MYO1B: variants seen among roughly 807,000 people sequenced by gnomAD.
MYO1B encodes the protein unconventional myosin-Ib.
Under a neutral mutation model 159.7 loss-of-function variants are expected in MYO1B, and 72 were observed. The ratio of observed to expected loss-of-function variants is 0.45; its 90% CI spans 0.37 to 0.55. MYO1B has a LOEUF of 0.55. Among genes scored for constraint, MYO1B ranks in the 20% least tolerant of loss-of-function variants. MYO1B has a pLI of 0.00. For synonymous variants in MYO1B, 468 were observed against 473.8 expected, an observed-to-expected ratio of 0.99 and a Z score of 0.16; for missense variants, 1,062 against 1,364.8, an observed-to-expected ratio of 0.78 and a Z score of 3.50.
intron 2 of MYO1B, among the ~76,000 whole-genome samples, chr2:191,280,835 C>A (rs1263581333): frequency 7.2e-5 from 11 of 152,142 alleles, no homozygotes; most frequent in South Asian, 2.1e-4. Context: ...AATGAAGTGG[C>A]TTTTTTGATG....
intron 2 of MYO1B, among the ~76,000 whole-genome samples, chr2:191,281,151 T>A (rs1688034632): frequency 6.6e-6 from 1 of 152,240 alleles, no homozygotes; most frequent in Non-Finnish European, 1.5e-5. Flanking sequence ...CAGAAATATC[T>A]GTTCTTCACT....
At chr2:191,313,699 A>G (rs1690171092) in intron 3 of MYO1B, among the ~76,000 whole-genome samples, 2 of 152,114 alleles carry the variant, frequency 1.3e-5, no homozygotes, top group African/African-American at 4.8e-5. Flanking sequence ...TTGTATTTTT[A>G]GTAGTGACGG....
At chr2:191,414,866 C>T (rs1697466862) in intron 29 of MYO1B, among the ~76,000 whole-genome samples, 197 bp downstream of exon 29, 1 of 152,166 alleles carries the variant, frequency 6.6e-6, no homozygotes, top group Non-Finnish European at 1.5e-5. Flanking sequence ...GGCCAGTTTA[C>T]TTTACTTTTT....
At chr2:191,388,872 A>G (rs1400887) in intron 17 of MYO1B, among the ~76,000 whole-genome samples, 138,722 of 152,092 alleles carry the variant, frequency 0.91, 64,015 homozygotes, top group East Asian at 1. Flanking sequence ...AAGCTTCTTC[A>G]TTCCCCTCCT....
At chr2:191,317,575 C>G (rs982004875) in intron 3 of MYO1B, among the ~76,000 whole-genome samples, 2 of 152,164 alleles carry the variant, frequency 1.3e-5, no homozygotes, top group African/African-American at 4.8e-5. Context: ...TGTGCTCCAC[C>G]CATTAACTTG....
chr2:191,397,722 G>T (rs1298665397), intron 21 of MYO1B, among the ~76,000 whole-genome samples: 1 of 145,588 alleles, frequency 6.9e-6, no homozygotes, highest in Non-Finnish European at 1.5e-5. Flanking sequence ...CCTCCCAGAC[G>T]GGGTCGTGGC....
chr2:191,372,440 CAT>C (rs929569678), intron 13 of MYO1B, among the ~76,000 whole-genome samples: 5 of 152,274 alleles, frequency 3.3e-5, no homozygotes, highest in African/African-American at 1.2e-4. Context: ...AGTTATAACT[CAT>C]AAACAATTCG....
chr2:191,401,571 A>G (rs1696618919), intron 23 of MYO1B: 1 of 152,256 alleles, frequency 6.6e-6, no homozygotes, highest in Non-Finnish European at 1.5e-5. Flanking sequence ...TAGAAAATCA[A>G]AGTCATCTTT....
intron 24 of MYO1B, among the ~76,000 whole-genome samples, chr2:191,406,768 G>C (rs755786725): frequency 6.6e-6 from 1 of 152,194 alleles, no homozygotes; most frequent in Non-Finnish European, 1.5e-5. Context: ...GGTGCCAATA[G>C]GCTTGTTTGA....
At chr2:191,246,784 A>G (rs756771335) in intron 1 of MYO1B, among the ~76,000 whole-genome samples, 4 of 152,216 alleles carry the variant, frequency 2.6e-5, no homozygotes, top group Non-Finnish European at 5.9e-5. Context: ...AGACATTGCT[A>G]TAAATAAATG....
At chr2:191,350,490 A>G (rs1175123714) in intron 7 of MYO1B, 6 of 220,562 alleles carry the variant, frequency 2.7e-5, no homozygotes, top group South Asian at 2.1e-4. Flanking sequence ...TTTATATTCT[A>G]TAGGTCTTTT....
At chr2:191,348,486 G>C (rs1298996671) in intron 6 of MYO1B, among the ~76,000 whole-genome samples, 1 of 152,146 alleles carries the variant, frequency 6.6e-6, no homozygotes, top group Admixed American at 6.5e-5. Flanking sequence ...CTTTGACAGA[G>C]TAACCATTCT....
At position 191,364,183 on chromosome 2, in the gene MYO1B, C is replaced by A; in HGVS notation, c.939C>A (p.Thr313=). The change falls in exon 11 of 31, where the codon ACC becomes ACA. Residue 313 remains threonine, a synonymous_variant. Transcript: ENST00000392318. ...AGTTAAAAGAAATTTGTGAATTGAC[C>A]GGCATTGATCAATCAGTTCTAGAAC... is the stretch of plus-strand genomic sequence containing the variant. The part of the protein sequence containing the change: ...KNELKEICEL[T]GIDQSVLERA... The A allele has an allele frequency of 6.2e-7, 1 of 1,613,804 alleles. No homozygotes were observed. Among genetic ancestry groups the A allele is most frequent in the Non-Finnish European group, 8.5e-7 (1 of 1,179,834 alleles).
At chr2:191,284,364 A>C (rs759409018) in intron 2 of MYO1B, among the ~76,000 whole-genome samples, 37 of 152,188 alleles carry the variant, frequency 2.4e-4, no homozygotes, top group Non-Finnish European at 5.4e-4. Flanking sequence ...GTGAAATGAC[A>C]TGGCATACTG....
At chr2:191,247,283 G>T (rs1419709191) in intron 1 of MYO1B, among the ~76,000 whole-genome samples, 2 of 152,120 alleles carry the variant, frequency 1.3e-5, no homozygotes, top group Non-Finnish European at 2.9e-5. Flanking sequence ...ACAAGCTGAG[G>T]GTCCGCCATT....
chr2:191,374,146 A>C (rs1180363090), intron 13 of MYO1B, among the ~76,000 whole-genome samples: 1 of 152,178 alleles, frequency 6.6e-6, no homozygotes, highest in African/African-American at 2.4e-5. Flanking sequence ...GAACACATGG[A>C]GACATCAGGA....
chr2:191,409,080 C>A lies in MYO1B; in HGVS notation c.2668C>A (p.Pro890Thr), dbSNP rs139859843. 1.9e-6 allele frequency: 3 copies of A among 1,611,730 alleles called. No homozygotes were observed. The South Asian group carries it at 3.3e-5, about 18-fold the overall frequency. Residue 890 changes from proline (P) to threonine (T), a missense_variant, in exon 26 of 31, where the codon CCT becomes ACT. Physicochemically the swap from Pro to Thr is conservative, Grantham distance 38. This residue lies in a region of MYO1B where 609 missense variants were observed against 744.4 expected (regional missense o/e 0.82). Transcript: ENST00000392318. Reference sequence around the variant, plus strand: ...CTTCTTGGAAATGAAAAATAAGATGCCTTCCTTATCTCCAATAGACAAGAA... The same window carrying A: ...CTTCTTGGAAATGAAAAATAAGATGACTTCCTTATCTCCAATAGACAAGAA... Reference protein sequence around the residue: ...KYFLEMKNKMPSLSPIDKNWP... With the variant: ...KYFLEMKNKMTSLSPIDKNWP...
chr2:191,424,781 GATA>G lies in MYO1B; in HGVS notation c.*825_*827del, dbSNP rs1382615321. The G allele has an allele frequency of 6.6e-6, 1 of 152,506 alleles. No homozygotes were observed. Among genetic ancestry groups the G allele is most frequent in the Non-Finnish European group, 1.5e-5 (1 of 68,002 alleles). 9.4% of individuals were successfully genotyped at this position (152,506 alleles called of 1,614,324 possible). On this transcript the variant is annotated 3_prime_UTR_variant, in exon 31 of 31. Coordinates refer to ENST00000392318, the MANE Select transcript of MYO1B (RefSeq NM_001130158.3). ...AAATACCATATATGATCCTCGAAAT[GATA>G]ATATCTCCAGAATATTGTTTTCACC... is the stretch of plus-strand genomic sequence containing the variant.
chr2:191,258,398 G>A (rs1016700041), intron 1 of MYO1B, among the ~76,000 whole-genome samples: 32 of 152,218 alleles, frequency 2.1e-4, no homozygotes, highest in African/African-American at 6.5e-4. Context: ...CTCTGGGGGA[G>A]TCAGTGAGTG....
Sources: gnomAD v4.1 joint callset for allele counts (sites outside exome capture counted in the v4.1 genomes callset) on GRCh38, gnomAD v4.1.1 for gene constraint, gnomAD v4.1.1 regional missense constraint, MANE v1.5 for transcripts, NCBI Gene and HGNC (gene_info 2026-07-23, HGNC 2026-07-21) for gene names.